ATRNL1: variants seen among roughly 807,000 people sequenced by gnomAD.
ATRNL1 encodes attractin-like protein 1.
A neutral mutation model predicts 182.7 loss-of-function variants in ATRNL1; 95 were observed. That is an observed-to-expected ratio of 0.52 (90% CI 0.44 to 0.62). ATRNL1 has a LOEUF of 0.62. Among genes scored for constraint, ATRNL1 ranks in the 20% least tolerant of loss-of-function variants. ATRNL1 has a pLI of 0.00. For synonymous variants in ATRNL1, 576 were observed against 568.3 expected (o/e 1.01, Z -0.19); for missense variants, 1,471 against 1,679.5 (o/e 0.88, Z 2.17).
At chr10:115,513,644 C>G (rs1425399111) in intron 24 of ATRNL1, among the ~76,000 whole-genome samples, 1 of 151,966 alleles carries the variant, frequency 6.6e-6, no homozygotes, top group East Asian at 1.9e-4. Flanking sequence ...GCATTGCTTA[C>G]TAATTTTACA....
chr10:115,155,128 T>C (rs1554881738), intron 5 of ATRNL1, among the ~76,000 whole-genome samples: 1 of 152,154 alleles, frequency 6.6e-6, no homozygotes, highest in East Asian at 1.9e-4. Flanking sequence ...TCTTGCTCTT[T>C]TCTAGTTTCT....
chr10:115,862,416 C>G (rs930234372), intron 28 of ATRNL1, among the ~76,000 whole-genome samples: 1 of 152,202 alleles, frequency 6.6e-6, no homozygotes. Flanking sequence ...TGTCACAGCA[C>G]TCCTAAGTTC....
chr10:115,853,468 T>G (rs1453997885), intron 28 of ATRNL1, among the ~76,000 whole-genome samples: 3 of 152,178 alleles, frequency 2.0e-5, no homozygotes, highest in Non-Finnish European at 2.9e-5. Flanking sequence ...TGGCTCACAG[T>G]GTAGTACTTT....
chr10:115,271,848 T>G (rs1554913218), intron 13 of ATRNL1, among the ~76,000 whole-genome samples: 1 of 152,210 alleles, frequency 6.6e-6, no homozygotes, highest in African/African-American at 2.4e-5. Context: ...CATTTGTCCC[T>G]GCCCAAATTT....
chr10:115,250,391 G>A (rs1452550853), intron 10 of ATRNL1, among the ~76,000 whole-genome samples: 1 of 152,098 alleles, frequency 6.6e-6, no homozygotes, highest in Admixed American at 6.5e-5. Context: ...TCTTTCACTG[G>A]GGCTTGCCAT....
intron 24 of ATRNL1, among the ~76,000 whole-genome samples, chr10:115,512,297 G>A (rs1370338824): frequency 6.6e-6 from 1 of 151,844 alleles, no homozygotes; most frequent in Non-Finnish European, 1.5e-5. Flanking sequence ...TTTAAAAGCA[G>A]TTGGCTAAAT....
intron 25 of ATRNL1, among the ~76,000 whole-genome samples, chr10:115,545,824 G>C (rs1335694822): frequency 2.6e-5 from 4 of 152,186 alleles, no homozygotes; most frequent in African/African-American, 9.7e-5. Flanking sequence ...CTGGTATCTG[G>C]ATGTAAGGGA....
chr10:115,555,663 T>A (rs1853271359), intron 26 of ATRNL1, among the ~76,000 whole-genome samples: 1 of 151,928 alleles, frequency 6.6e-6, no homozygotes, highest in South Asian at 2.1e-4. Context: ...TTTACAGATC[T>A]TAAAATCTAT....
At chr10:115,131,612 C>T (rs910506490) in intron 5 of ATRNL1, among the ~76,000 whole-genome samples, 1 of 152,064 alleles carries the variant, frequency 6.6e-6, no homozygotes, top group South Asian at 2.1e-4. Flanking sequence ...GATAGATTTG[C>T]TTCTAGGACA....
intron 19 of ATRNL1, among the ~76,000 whole-genome samples, chr10:115,383,263 C>T (rs1858132631): frequency 6.6e-6 from 1 of 151,572 alleles, no homozygotes; most frequent in African/African-American, 2.4e-5. Context: ...CCTAAATTTG[C>T]TTTGCTAATA....
At position 115,129,486 on chromosome 10, in the gene ATRNL1, C is replaced by T; in HGVS notation, c.780C>T (p.Tyr260=). Reference sequence around the variant, plus strand: ...ATTGCGGCAGTCCAGATCACGGTTACTGTGACCTGACTGGAGAAAAATTAT... The same window carrying T: ...ATTGCGGCAGTCCAGATCACGGTTATTGTGACCTGACTGGAGAAAAATTAT... The part of the protein sequence containing the change: ...KANCGSPDHG[Y]CDLTGEKLCV... Residue 260 remains tyrosine (Y), a synonymous_variant, in exon 5 of 29, where the codon TAC becomes TAT. Coordinates refer to ENST00000355044, the MANE Select transcript of ATRNL1 (RefSeq NM_207303.4). 1 of 1,614,118 alleles carries T rather than the reference C, an allele frequency of 6.2e-7. No individual in the cohort carries two copies. The highest frequency in any genetic ancestry group is 8.5e-7 in the Non-Finnish European group (1 of 1,180,012).
chr10:115,538,642 G>A (rs1852178826), intron 25 of ATRNL1, among the ~76,000 whole-genome samples: 1 of 152,048 alleles, frequency 6.6e-6, no homozygotes, highest in Non-Finnish European at 1.5e-5. Context: ...CTCAGTCTTT[G>A]AATTGTCTTT....
chr10:115,311,832 A>G (rs569544196), intron 17 of ATRNL1, among the ~76,000 whole-genome samples: 12 of 151,642 alleles, frequency 7.9e-5, no homozygotes, highest in East Asian at 3.9e-4. Flanking sequence ...TTCTTGTTGC[A>G]TTGATACTTT....
At chr10:115,920,897 A>G (rs572818337) in intron 28 of ATRNL1, among the ~76,000 whole-genome samples, 15 of 152,384 alleles carry the variant, frequency 9.8e-5, no homozygotes, top group South Asian at 2.1e-4. Flanking sequence ...ACTTATTTCT[A>G]TAACTAATGT....
chr10:115,580,383 A>T (rs1854996036), intron 26 of ATRNL1, among the ~76,000 whole-genome samples: 1 of 151,896 alleles, frequency 6.6e-6, no homozygotes, highest in African/African-American at 2.4e-5. Flanking sequence ...ATAGATGGCA[A>T]TTTGTTTCTT....
chr10:115,139,400 CAA>C (rs1265734294), intron 5 of ATRNL1, among the ~76,000 whole-genome samples: 4 of 152,140 alleles, frequency 2.6e-5, no homozygotes, highest in Non-Finnish European at 5.9e-5. Context: ...ATTTACAAAA[CAA>C]AGAGATTTAA....
chr10:115,606,634 T>C (rs1856889324), intron 26 of ATRNL1, among the ~76,000 whole-genome samples: 2 of 152,046 alleles, frequency 1.3e-5, no homozygotes, highest in Admixed American at 6.6e-5. Context: ...AAGATCTTTG[T>C]CATGAATTGC....
At chr10:115,175,835 G>A (rs953577001) in intron 8 of ATRNL1, among the ~76,000 whole-genome samples, 2 of 152,070 alleles carry the variant, frequency 1.3e-5, no homozygotes, top group African/African-American at 4.8e-5. Flanking sequence ...AGTACAAAAT[G>A]ATGGGTAAAT....
intron 21 of ATRNL1, among the ~76,000 whole-genome samples, chr10:115,438,725 T>G (rs556315146): frequency 7.0e-4 from 106 of 152,092 alleles, no homozygotes; most frequent in African/African-American, 2.5e-3. Context: ...TTCTGCATGT[T>G]GAAACTTAAT....
Sources: allele counts gnomAD v4.1 joint callset (sites outside exome capture counted in the v4.1 genomes callset), GRCh38; gene constraint gnomAD v4.1.1; transcripts MANE v1.5; gene names NCBI Gene and HGNC (gene_info 2026-07-23, HGNC 2026-07-21).